Variants in SDHAF2 observed in about 807,000 individuals in gnomAD.
SDHAF2 encodes succinate dehydrogenase complex assembly factor 2.
A neutral mutation model predicts 18.5 loss-of-function variants in SDHAF2; 21 were observed. That is an observed-to-expected ratio of 1.13 (90% CI 0.80 to 1.63). The LOEUF (loss-of-function observed/expected upper bound fraction) is 1.63. Ranked by LOEUF, SDHAF2 falls within the 40% of genes most tolerant of loss-of-function variation. The pLI, the probability that SDHAF2 is intolerant of heterozygous loss-of-function variation, is 0.00. For missense variants in SDHAF2, 195 were observed against 200.3 expected, an observed-to-expected ratio of 0.97 and a Z score of 0.16; for synonymous variants, 84 against 70.7, an observed-to-expected ratio of 1.19 and a Z score of -0.94.
intron 1 of SDHAF2, chr11:61,436,701 G>T (rs1861998304): frequency 5.0e-6 from 2 of 399,234 alleles, no homozygotes; most frequent in African/African-American, 2.1e-5. Context: ...ATTCGATGCA[G>T]CTGGTTTTGT....
rs765265524 is a variant in SDHAF2, at chr11:61,430,184, T to A, written c.36+2T>A. On this transcript the variant is annotated splice_donor_variant, in intron 1 of 3. Coordinates refer to ENST00000301761, the MANE Select transcript of SDHAF2 (RefSeq NM_017841.4). LOFTEE classifies it high-confidence loss of function. ...ACAGTGTTCTCGACTTCGTCGCTGG[T>A]GAGGAGAGAGAACGTTCTAGCGTCC... The A allele has an allele frequency of 6.2e-7, 1 of 1,614,042 alleles. No homozygotes were observed. The highest frequency in any genetic ancestry group is 1.3e-5 in the African/African-American group (1 of 74,936).
rs1862140752 is a variant in SDHAF2 at position 61,446,524 on chromosome 11, C to G, written c.*453C>G. On this transcript the variant is annotated 3_prime_UTR_variant, in exon 4 of 4. Transcript: ENST00000301761. ...TTTGTTGAAGTGGAACTCCCCACTTCCAACCTGGTATGGCTCCTTCTGCGA... is the reference window on the plus strand; with the variant it reads ...TTTGTTGAAGTGGAACTCCCCACTTGCAACCTGGTATGGCTCCTTCTGCGA... The G allele has an allele frequency of 2.7e-5, 13 of 489,826 alleles. No individual in the cohort carries two copies. Among genetic ancestry groups the G allele is most frequent in the Middle Eastern group, 5.3e-4 (1 of 1,888 alleles). The allele number at this position is 489,826 out of a possible 1,614,324, so 30.3% of individuals were successfully genotyped here. A position where few individuals can be genotyped will look rare whatever the true frequency, so the allele number is the denominator to read the frequency against.
At chr11:61,441,067 GCACA>G (rs1306743146) in intron 3 of SDHAF2, among the ~76,000 whole-genome samples, 2 of 152,002 alleles carry the variant, frequency 1.3e-5, no homozygotes, top group Non-Finnish European at 2.9e-5. Context: ...GCTTGGTGGT[GCACA>G]CTGTATTCCC....
At chr11:61,435,361 T>C (rs1428179033) in intron 1 of SDHAF2, 3 of 152,264 alleles carry the variant, frequency 2.0e-5, no homozygotes, top group African/African-American at 4.8e-5. Context: ...TTGAATTCTT[T>C]ATAGGTGATT....
intron 1 of SDHAF2, chr11:61,435,319 A>G (rs982925652): frequency 1.3e-5 from 2 of 152,184 alleles, no homozygotes; most frequent in Admixed American, 6.5e-5. Flanking sequence ...TCAATGTTCC[A>G]AAGCTCATTG....
chr11:61,437,480 G>A (rs371519043), intron 1 of SDHAF2, 145 bp from the exon 2 acceptor site: 9 of 791,412 alleles, frequency 1.1e-5, no homozygotes, highest in Admixed American at 5.5e-5. Context: ...GGGATTACAG[G>A]TGTGCGCCAC....
chr11:61,442,792 C>T (rs1466896337), intron 3 of SDHAF2, among the ~76,000 whole-genome samples: 1 of 152,150 alleles, frequency 6.6e-6, no homozygotes. Flanking sequence ...CTTGCTGTGT[C>T]ACCAAGGCTG....
chr11:61,432,779 A>G (rs1439110052), intron 1 of SDHAF2: 1 of 151,990 alleles, frequency 6.6e-6, no homozygotes, highest in Non-Finnish European at 1.5e-5. Flanking sequence ...TGTGGTTACC[A>G]TGTGGCTTAT....
In SDHAF2 at chr11:61,446,232, G is replaced by A. The variant is rs1862136617; in HGVS notation, c.*161G>A. The A allele has an allele frequency of 3.9e-6, 3 of 761,874 alleles. No homozygotes were observed. The highest frequency in any genetic ancestry group is 6.9e-6 in the Non-Finnish European group (3 of 435,944). 47.2% of individuals were successfully genotyped at this position (761,874 alleles called of 1,614,324 possible). A position where few individuals can be genotyped will look rare whatever the true frequency, so the allele number is the denominator to read the frequency against. ...CATAACCCTCTCCTAGGACATACAT[G>A]TAAATGCACAATGTGACTCATTCTC... On this transcript the variant is annotated 3_prime_UTR_variant, in exon 4 of 4. Coordinates refer to ENST00000301761, the MANE Select transcript of SDHAF2 (RefSeq NM_017841.4).
intron 1 of SDHAF2, chr11:61,433,434 TACTA>T (rs542080835): frequency 6.6e-6 from 1 of 152,334 alleles, no homozygotes; most frequent in East Asian, 1.9e-4. Context: ...GCTGCCTTGA[TACTA>T]ACAGAAAAAA....
chr11:61,430,159 A>AT lies in SDHAF2; in HGVS notation c.13_14insT (p.Thr5IlefsTer34). 1 of 1,614,182 alleles carries AT rather than the reference A, an allele frequency of 6.2e-7. No individual in the cohort carries two copies. The highest frequency in any genetic ancestry group is 8.5e-7 in the Non-Finnish European group (1 of 1,180,004). ...GCAGGTGGGGAAAATGGCGGTGTCTACAGTGTTCTCGACTTCGTCGCTGGT... is the reference window on the plus strand; with the variant it reads ...GCAGGTGGGGAAAATGGCGGTGTCTATCAGTGTTCTCGACTTCGTCGCTGGT... On this transcript the variant is annotated frameshift_variant, in exon 1 of 4. Transcript: ENST00000301761. LOFTEE classifies it high-confidence loss of function.
intron 3 of SDHAF2, among the ~76,000 whole-genome samples, chr11:61,441,478 G>A (rs1292766240): frequency 6.7e-6 from 1 of 148,872 alleles, no homozygotes; most frequent in African/African-American, 2.5e-5. Flanking sequence ...CCGAGATCAT[G>A]CCACTATACT....
At chr11:61,433,773 A>G (rs1349583410) in intron 1 of SDHAF2, 1 of 152,156 alleles carries the variant, frequency 6.6e-6, no homozygotes, top group Non-Finnish European at 1.5e-5. Context: ...ACAGAAATTA[A>G]TTTTCTCATA....
chr11:61,446,150 C>G lies in SDHAF2; in HGVS notation c.*79C>G. On this transcript the variant is annotated 3_prime_UTR_variant, in exon 4 of 4. Transcript: ENST00000301761. ...TGATGGACGTTAGCCTTGCTTCCGG[C>G]TTCTTAGATGCCCAGCTGCCCTACC... 5 of 1,552,116 alleles carry G rather than the reference C, an allele frequency of 3.2e-6. No individual in the cohort carries two copies. The Admixed American group carries it at 8.3e-5, about 26-fold the overall frequency.
In SDHAF2 at chr11:61,437,705, C is replaced by A. The variant is rs780593356; in HGVS notation, c.117C>A (p.Ser39Arg). ...TSFRRFYRGD[S>R]PTDSQKDMIE... is the part of the protein sequence containing the mutation. The stretch of plus-strand genomic sequence containing the variant: ...TCAGACGCTTCTACAGAGGTGACAG[C>A]CCAACAGATTCCCAAAAGGACATGA... Residue 39 changes from serine (S) to arginine (R), a missense_variant, in exon 2 of 4, where the codon AGC becomes AGA. Ser to Arg is a moderately radical substitution (Grantham distance 110). Transcript: ENST00000301761. The A allele has an allele frequency of 6.2e-7, 1 of 1,614,174 alleles. No individual in the cohort carries two copies.
intron 1 of SDHAF2, 44 bp downstream of exon 1, chr11:61,430,226 G>T (rs775854102): frequency 3.1e-6 from 5 of 1,613,176 alleles, no homozygotes; most frequent in Non-Finnish European, 4.2e-6. Flanking sequence ...GGCGGCAGCG[G>T]GGATTACCCT....
chr11:61,441,592 T>G (rs1862066067), intron 3 of SDHAF2, among the ~76,000 whole-genome samples: 1 of 151,658 alleles, frequency 6.6e-6, no homozygotes, highest in South Asian at 2.1e-4. Flanking sequence ...AGAATGTGAT[T>G]CTGTTTACAT....
At chr11:61,434,591 C>CTTTTTTTTTTTTTTTTTTTTTTTTTTTT (rs549764688) in intron 1 of SDHAF2, 4 of 118,952 alleles carry the variant, frequency 3.4e-5, no homozygotes, top group African/African-American at 1.5e-4. Flanking sequence ...CTTCTCATTC[C>CTTTTTTTTTTTTTTTTTTTTTTTTTTTT]TTTTTTTTTT....
intron 3 of SDHAF2, 123 bp downstream of exon 3, chr11:61,438,236 G>A (rs765788863): frequency 1.2e-5 from 9 of 781,706 alleles, no homozygotes; most frequent in Non-Finnish European, 1.5e-5. Flanking sequence ...TTTCACTCTC[G>A]TTGCCCAGGC....
Sources: gnomAD v4.1 joint callset for allele counts (sites outside exome capture counted in the v4.1 genomes callset) on GRCh38, gnomAD v4.1.1 for gene constraint, MANE v1.5 for transcripts, NCBI Gene and HGNC (gene_info 2026-07-23, HGNC 2026-07-21) for gene names.